Variants in PIK3C2G observed in about 807,000 individuals in gnomAD.
The protein encoded by PIK3C2G is phosphatidylinositol-4-phosphate 3-kinase catalytic subunit type 2 gamma, also known as phosphatidylinositol 3-kinase C2 domain-containing subunit gamma.
Under a neutral mutation model 181.1 loss-of-function variants are expected in PIK3C2G, and 168 were observed. The observed-to-expected ratio is 0.93, with a 90% CI of 0.82 to 1.05. The LOEUF is 1.05. Ranked by LOEUF, PIK3C2G falls within the 50% of genes least tolerant of loss-of-function variation. The probability of loss-of-function intolerance (pLI) is 0.00; values close to 1 mark genes in which losing one functional copy is unlikely to be tolerated. For missense variants in PIK3C2G, 1,869 were observed against 1,732.8 expected, an observed-to-expected ratio of 1.08 and a Z score of -1.40; for synonymous variants, 573 against 592.2, an observed-to-expected ratio of 0.97 and a Z score of 0.47.
intron 19 of PIK3C2G, among the ~76,000 whole-genome samples, chr12:18,490,876 G>A (rs1051819830): frequency 6.6e-6 from 1 of 152,194 alleles, no homozygotes; most frequent in Admixed American, 6.5e-5. Flanking sequence ...CATGAGTATA[G>A]TGGAGTGTAG....
Position 18,255,482 on chromosome 12 carries a change from T to C in PIK3C2G, c.-79+7400T>C, listed in dbSNP as rs997113083. 1.2e-4 allele frequency among the ~76,000 whole-genome samples: 19 copies of C among 152,188 alleles called. 1 individual carries two copies. The highest frequency in any genetic ancestry group is 4.6e-4 in the African/African-American group (19 of 41,442). ...GTTTTTACTTTCTTTCTTTTATATCTAAGATGACACTGAGAACCTATAATA... is the reference window on the plus strand; with the variant it reads ...GTTTTTACTTTCTTTCTTTTATATCCAAGATGACACTGAGAACCTATAATA... On this transcript the variant is annotated intron_variant, in intron 1 of 11. Transcript: ENST00000535651.
intron 12 of PIK3C2G, among the ~76,000 whole-genome samples, chr12:18,369,492 T>A (rs1049671787): frequency 3.7e-5 from 5 of 134,226 alleles, no homozygotes; most frequent in Non-Finnish European, 6.3e-5. Context: ...ATAATTGACA[T>A]ATGATCATAT....
chr12:18,385,867 G>A (rs901653782), intron 14 of PIK3C2G, among the ~76,000 whole-genome samples: 2 of 151,922 alleles, frequency 1.3e-5, no homozygotes, highest in Non-Finnish European at 2.9e-5. Context: ...TCACCTCCCC[G>A]TTTGTATCTA....
At chr12:18,356,437 C>T (rs947086010) in intron 11 of PIK3C2G, among the ~76,000 whole-genome samples, 9 of 152,038 alleles carry the variant, frequency 5.9e-5, no homozygotes, top group Non-Finnish European at 8.8e-5. Context: ...CATGTGGCCC[C>T]GTGGCAGCAT....
chr12:18,543,377 A>G (rs578013142), intron 25 of PIK3C2G, among the ~76,000 whole-genome samples: 1 of 152,050 alleles, frequency 6.6e-6, no homozygotes, highest in African/African-American at 2.4e-5. Context: ...TTTGCTGTGC[A>G]GAAGCTCTTA....
At chr12:18,436,827 CAA>C (rs1181884879) in intron 18 of PIK3C2G, among the ~76,000 whole-genome samples, 1 of 151,956 alleles carries the variant, frequency 6.6e-6, no homozygotes, top group African/African-American at 2.4e-5. Flanking sequence ...GAAACAGTAT[CAA>C]GTGTTACATT....
chr12:18,721,674 C>T, the PIK3C2G span, among the ~76,000 whole-genome samples: 2 of 146,944 alleles, frequency 1.4e-5, no homozygotes, highest in African/African-American at 5.1e-5. Flanking sequence ...TGAGCCAGAA[C>T]ATAAATCAAT....
intron 24 of PIK3C2G, among the ~76,000 whole-genome samples, chr12:18,526,659 G>T (rs2136200680): frequency 6.6e-6 from 1 of 152,148 alleles, no homozygotes; most frequent in African/African-American, 2.4e-5. Context: ...GTTTTGTTTT[G>T]TTTTTTAACC....
At chr12:18,657,566 T>C in the PIK3C2G span, among the ~76,000 whole-genome samples, 1 of 152,162 alleles carries the variant, frequency 6.6e-6, no homozygotes, top group Admixed American at 6.5e-5. Flanking sequence ...AAGAAATCTC[T>C]GTAAAATCAT....
At chr12:18,277,331 T>G (rs943581815) in intron 1 of PIK3C2G, among the ~76,000 whole-genome samples, 2 of 152,044 alleles carry the variant, frequency 1.3e-5, no homozygotes, top group African/African-American at 2.4e-5. Context: ...GTTGAGCAGA[T>G]GAAGAGAGAC....
At chr12:18,688,361 A>G in the PIK3C2G span, 1 of 794,310 alleles carries the variant, frequency 1.3e-6, no homozygotes. Flanking sequence ...TACAATACAA[A>G]TTTTAAAATT....
At chr12:18,273,043 T>TAGAG (rs34596920) in intron 1 of PIK3C2G, among the ~76,000 whole-genome samples, 3 of 150,374 alleles carry the variant, frequency 2.0e-5, no homozygotes, top group East Asian at 2.0e-4. Context: ...CACACAGAGA[T>TAGAG]AGAGAGAGAG....
At chr12:18,338,651 G>T in intron 9 of PIK3C2G, 103 bp downstream of exon 9, 1 of 749,232 alleles carries the variant, frequency 1.3e-6, no homozygotes. Context: ...CCGTGTGTAT[G>T]TTTGTGTGTA....
In PIK3C2G at chr12:18,437,520, G is replaced by C. The variant is rs138591231; in HGVS notation, c.2504+13481G>C. 2.7e-4 allele frequency among the ~76,000 whole-genome samples: 41 copies of C among 152,038 alleles called. No individual in the cohort carries two copies. The East Asian group carries it at 5.0e-3, about 19-fold the overall frequency. On this transcript the variant is annotated intron_variant, in intron 18 of 32. Coordinates refer to ENST00000538779, the MANE Select transcript of PIK3C2G (RefSeq NM_001288772.2). Reference sequence around the variant, plus strand: ...TCTACCTGATACACTAACCACTCTTGACAGAATGTCAGATAATTGGGTTAT... The same window carrying C: ...TCTACCTGATACACTAACCACTCTTCACAGAATGTCAGATAATTGGGTTAT...
rs1360936937 is a variant in PIK3C2G at position 18,491,539 on chromosome 12, T to C, written c.2774T>C (p.Ile925Thr). Residue 925 changes from isoleucine (I) to threonine (T), a missense_variant, in exon 20 of 33, where the codon ATA becomes ACA. Transcript: ENST00000538779. ...CHLPLNPALC[I>T]KGIDHDACSY... ...CTTCCTCTGAACCCTGCCCTATGTA[T>C]AAAAGGGATTGATCACGATGTAAGT... The C allele has an allele frequency of 2.5e-6, 4 of 1,580,194 alleles. No homozygotes were observed. The highest frequency in any genetic ancestry group is 3.4e-5 in the Admixed American group (2 of 59,632).
Position 18,505,334 on chromosome 12 carries a change from G to A in PIK3C2G, c.3196G>A (p.Val1066Ile), listed in dbSNP as rs1434258889. ...CTACTCCTGTGCTGGCTGGTGTGTGGTAACATTCATCCTGGGAGTATGTGA... is the reference window on the plus strand; with the variant it reads ...CTACTCCTGTGCTGGCTGGTGTGTGATAACATTCATCCTGGGAGTATGTGA... ...FFYSCAGWCV[V>I]TFILGVCDRH... Residue 1066 changes from valine to isoleucine, a missense_variant, in exon 24 of 33, where the codon GTA becomes ATA. Coordinates refer to ENST00000538779, the MANE Select transcript of PIK3C2G (RefSeq NM_001288772.2). 2.5e-6 allele frequency: 4 copies of A among 1,612,404 alleles called. No individual in the cohort carries two copies. Among genetic ancestry groups the A allele is most frequent in the Non-Finnish European group, 3.4e-6 (4 of 1,179,088 alleles).
intron 1 of PIK3C2G, among the ~76,000 whole-genome samples, chr12:18,266,911 C>T (rs1449648779): frequency 6.6e-6 from 1 of 150,952 alleles, no homozygotes; most frequent in Admixed American, 6.6e-5. Context: ...TATCACAATA[C>T]ACATATATTT....
intron 16 of PIK3C2G, among the ~76,000 whole-genome samples, chr12:18,406,902 T>C (rs1461755288): frequency 6.6e-6 from 1 of 152,138 alleles, no homozygotes; most frequent in Non-Finnish European, 1.5e-5. Context: ...CAAAGATACA[T>C]ATTTTGTCCT....
chr12:18,355,693 A>T (rs1011844290), intron 11 of PIK3C2G, among the ~76,000 whole-genome samples: 11 of 152,130 alleles, frequency 7.2e-5, no homozygotes, highest in Admixed American at 6.5e-5. Flanking sequence ...CCAAGCCTGG[A>T]GGGGAGGGGA....
Sources: gnomAD v4.1 joint callset for allele counts (sites outside exome capture counted in the v4.1 genomes callset) on GRCh38, gnomAD v4.1.1 for gene constraint, MANE v1.5 for transcripts, NCBI Gene and HGNC (gene_info 2026-07-23, HGNC 2026-07-21) for gene names.